The following SLC35F3 variants were observed in gnomAD, a reference collection of about 807,000 sequenced individuals.
The protein encoded by SLC35F3 is putative thiamine transporter SLC35F3.
SLC35F3 carries 25 observed loss-of-function variants against 49.9 expected under a neutral mutation model. The ratio of observed to expected loss-of-function variants is 0.50; its 90% confidence interval spans 0.37 to 0.70. SLC35F3 has a LOEUF of 0.70. Among genes scored for constraint, SLC35F3 ranks in the 30% least tolerant of loss-of-function variants. The pLI is 0.00. For missense variants in SLC35F3, 525 were observed against 639.8 expected, an observed-to-expected ratio of 0.82 and a Z score of 1.94; for synonymous variants, 275 against 265.4, an observed-to-expected ratio of 1.04 and a Z score of -0.35.
chr1:234,071,201 G>A (rs1292658111), intron 2 of SLC35F3, among the ~76,000 whole-genome samples: 1 of 152,212 alleles, frequency 6.6e-6, no homozygotes, highest in Non-Finnish European at 1.5e-5. Flanking sequence ...TACAACACAT[G>A]AGTACCTGCT....
chr1:234,140,002 A>AATAAAATAAAATAATAAAAAAAT, intron 2 of SLC35F3, among the ~76,000 whole-genome samples: 1 of 105,368 alleles, frequency 9.5e-6, no homozygotes. Context: ...AATAAAATAA[A>AATAAAATAAAATAATAAAAAAAT]GTAAGTGACT....
chr1:234,233,682 A>G (rs1667419565), intron 3 of SLC35F3, among the ~76,000 whole-genome samples: 1 of 152,248 alleles, frequency 6.6e-6, no homozygotes, highest in South Asian at 2.1e-4. Context: ...TTGTCTTCCT[A>G]TAAAAAGTGC....
intron 2 of SLC35F3, among the ~76,000 whole-genome samples, chr1:233,921,292 T>C (rs902027770): frequency 6.6e-6 from 1 of 152,320 alleles, no homozygotes; most frequent in South Asian, 2.1e-4. Flanking sequence ...AGATTTCTTA[T>C]ATCCGCCCCA....
At chr1:233,953,163 T>C (rs1662634705) in intron 2 of SLC35F3, among the ~76,000 whole-genome samples, 1 of 152,052 alleles carries the variant, frequency 6.6e-6, no homozygotes, top group African/African-American at 2.4e-5. Context: ...CATTGAGTTG[T>C]GAGAATAATG....
At chr1:233,935,777 A>G (rs1276905281) in intron 2 of SLC35F3, among the ~76,000 whole-genome samples, 1 of 152,092 alleles carries the variant, frequency 6.6e-6, no homozygotes, top group Non-Finnish European at 1.5e-5. Context: ...TGAGACATCC[A>G]CCTATTCCAA....
intron 2 of SLC35F3, among the ~76,000 whole-genome samples, chr1:234,223,127 G>A (rs765297127): frequency 9.2e-5 from 14 of 152,190 alleles, no homozygotes; most frequent in Admixed American, 2.0e-4. Context: ...TCAGTTTCTC[G>A]AGAGTCATGA....
At chr1:233,983,432 T>C (rs1191234221) in intron 2 of SLC35F3, among the ~76,000 whole-genome samples, 3 of 152,216 alleles carry the variant, frequency 2.0e-5, no homozygotes, top group Non-Finnish European at 2.9e-5. Context: ...AATTGAGTAA[T>C]TTCATAAAAC....
chr1:234,267,563 A>C (rs1396983337), intron 3 of SLC35F3, among the ~76,000 whole-genome samples: 1 of 145,020 alleles, frequency 6.9e-6, no homozygotes, highest in Non-Finnish European at 1.5e-5. Context: ...AGGGGTCCTC[A>C]CTTCCCAGTA....
chr1:233,921,117 G>A (rs1662051039), intron 2 of SLC35F3, among the ~76,000 whole-genome samples: 1 of 152,218 alleles, frequency 6.6e-6, no homozygotes, highest in African/African-American at 2.4e-5. Context: ...ATTCAAAGAA[G>A]CAGAACCACA....
chr1:234,299,804 CA>C (rs36039526), intron 3 of SLC35F3, among the ~76,000 whole-genome samples: 61 of 84,658 alleles, frequency 7.2e-4, no homozygotes, highest in East Asian at 1.4e-3. Context: ...GACTCCATCT[CA>C]AAAAAAAAAA....
chr1:234,055,439 C>T (rs1239433335), intron 2 of SLC35F3, among the ~76,000 whole-genome samples: 3 of 152,186 alleles, frequency 2.0e-5, no homozygotes, highest in African/African-American at 7.2e-5. Flanking sequence ...GCTCCATGGG[C>T]GTGGGACCCT....
chr1:234,269,822 C>A (rs997150795), intron 3 of SLC35F3, among the ~76,000 whole-genome samples: 1 of 152,050 alleles, frequency 6.6e-6, no homozygotes, highest in Non-Finnish European at 1.5e-5. Context: ...ATGGCTGGCA[C>A]CCCAACCTTC....
chr1:234,111,822 A>T (rs928234621), intron 2 of SLC35F3, among the ~76,000 whole-genome samples: 7 of 152,200 alleles, frequency 4.6e-5, no homozygotes, highest in African/African-American at 1.7e-4. Context: ...AGACTTTTTT[A>T]AAAATAGGAG....
intron 2 of SLC35F3, among the ~76,000 whole-genome samples, chr1:234,163,458 A>AGAGT (rs769079449): frequency 2.0e-4 from 31 of 152,170 alleles, no homozygotes; most frequent in East Asian, 5.8e-4. Flanking sequence ...TTGCTGAGAC[A>AGAGT]GAGTGAGTGA....
intron 2 of SLC35F3, among the ~76,000 whole-genome samples, chr1:234,140,002 A>AATAAAATATAAAATAAAATAAAAAAT: frequency 9.5e-6 from 1 of 105,366 alleles, no homozygotes; most frequent in Non-Finnish European, 2.4e-5. Flanking sequence ...AATAAAATAA[A>AATAAAATATAAAATAAAATAAAAAAT]GTAAGTGACT....
In SLC35F3 at chr1:234,323,234, C is replaced by G; in HGVS notation, c.1464C>G (p.Phe488Leu). ...QSKNRRARPS[F>L]AR is the part of the protein sequence containing the mutation. The stretch of plus-strand genomic sequence containing the variant: ...AGAACAGAAGAGCCCGCCCTTCCTT[C>G]GCCCGCTAACACCACTCCTCTAGAA... Residue 488 changes from phenylalanine to leucine, a missense_variant, in exon 8 of 8, where the codon TTC becomes TTG. Transcript: ENST00000366618. The surrounding 1 kb of genome is among the most constrained non-coding windows in gnomAD (Gnocchi z 4.5). 1 of 1,613,544 alleles carries G rather than the reference C, an allele frequency of 6.2e-7. No individual in the cohort carries two copies. Among genetic ancestry groups the G allele is most frequent in the Non-Finnish European group, 8.5e-7 (1 of 1,179,808 alleles).
chr1:234,262,745 A>T (rs1219648986), intron 3 of SLC35F3, among the ~76,000 whole-genome samples: 2 of 152,192 alleles, frequency 1.3e-5, no homozygotes, highest in East Asian at 3.8e-4. Flanking sequence ...TTGTGGTCTG[A>T]GGGCAGGTGG....
intron 2 of SLC35F3, among the ~76,000 whole-genome samples, chr1:234,005,932 A>C (rs917804397): frequency 1.3e-5 from 2 of 152,076 alleles, no homozygotes; most frequent in Non-Finnish European, 2.9e-5. Context: ...ATTTTGGGCA[A>C]ATTTTTGAAC....
chr1:234,112,127 G>T (rs1665416183), intron 2 of SLC35F3, among the ~76,000 whole-genome samples: 1 of 152,112 alleles, frequency 6.6e-6, no homozygotes, highest in Non-Finnish European at 1.5e-5. Flanking sequence ...GATCACTTGA[G>T]CCCAGGAGTT....
Sources: gnomAD v4.1 joint callset for allele counts (sites outside exome capture counted in the v4.1 genomes callset) on GRCh38, gnomAD v4.1.1 for gene constraint, Gnocchi (gnomAD v3.1) non-coding constraint, MANE v1.5 for transcripts, NCBI Gene and HGNC (gene_info 2026-07-23, HGNC 2026-07-21) for gene names.